The following UNC13C variants were observed in gnomAD, a reference collection of about 807,000 sequenced individuals.
The protein encoded by UNC13C is unc-13 homolog C, also known as protein unc-13 homolog C.
A neutral mutation model predicts 245.4 loss-of-function variants in UNC13C; 174 were observed. That is an observed-to-expected ratio of 0.71 (90% CI 0.63 to 0.80). The LOEUF (loss-of-function observed/expected upper bound fraction) is 0.80. Among genes scored for constraint, UNC13C ranks in the 30% least tolerant of loss-of-function variants. The pLI, the probability that UNC13C is intolerant of heterozygous loss-of-function variation, is 0.00. For synonymous variants in UNC13C, 992 were observed against 895.1 expected (o/e 1.11, Z -1.93); for missense variants, 2,829 against 2,602.9 (o/e 1.09, Z -1.89).
At chr15:54,086,466 C>A (rs1041548302) in intron 2 of UNC13C, among the ~76,000 whole-genome samples, 2 of 152,046 alleles carry the variant, frequency 1.3e-5, no homozygotes, top group African/African-American at 4.8e-5. Context: ...AAAATTGAGG[C>A]TGCTCAGTCT....
rs115788543 is a variant in UNC13C, at chr15:54,374,867, G to A, written c.4714-18181G>A. On this transcript the variant is annotated intron_variant, in intron 17 of 32. Transcript: ENST00000260323. Reference sequence around the variant, plus strand: ...CCACTGCCATCATTAGGGGATTGGCGCTAAGCTCTGGAGAGATTCTGAGCA... The same window carrying A: ...CCACTGCCATCATTAGGGGATTGGCACTAAGCTCTGGAGAGATTCTGAGCA... Among the ~76,000 whole-genome samples, 1,376 of 152,314 alleles carry A rather than the reference G, an allele frequency of 9.0e-3. 20 individuals are homozygous for A. The highest frequency in any genetic ancestry group is 0.032 in the African/African-American group (1,316 of 41,560).
At chr15:53,874,517 A>C in the UNC13C span, among the ~76,000 whole-genome samples, 3,730 of 152,280 alleles carry the variant, frequency 0.024, 151 homozygotes, top group African/African-American at 0.085. Flanking sequence ...ATTGGGCTTT[A>C]GAGATTATCC....
intron 28 of UNC13C, among the ~76,000 whole-genome samples, chr15:54,551,871 G>A (rs1408659911): frequency 5.3e-5 from 8 of 151,780 alleles, no homozygotes; most frequent in Non-Finnish European, 5.9e-5. Flanking sequence ...CTGGCATGAA[G>A]AACTTCAAAT....
At chr15:54,079,300 T>A (rs1898808910) in intron 2 of UNC13C, among the ~76,000 whole-genome samples, 1 of 152,154 alleles carries the variant, frequency 6.6e-6, no homozygotes, top group African/African-American at 2.4e-5. Context: ...TTCTGGCATA[T>A]TTTAGTTCCA....
intron 25 of UNC13C, among the ~76,000 whole-genome samples, chr15:54,525,847 G>A (rs893663297): frequency 6.6e-5 from 10 of 152,014 alleles, no homozygotes; most frequent in African/African-American, 1.7e-4. Context: ...TGCATCCTTC[G>A]GTCGGATAAC....
intron 7 of UNC13C, 68 bp downstream of exon 7, chr15:54,237,758 C>A: frequency 1.6e-6 from 2 of 1,253,984 alleles, no homozygotes; most frequent in Non-Finnish European, 2.3e-6. Flanking sequence ...AGAAACTGTT[C>A]TGCTTGAGCT....
intron 16 of UNC13C, among the ~76,000 whole-genome samples, chr15:54,336,539 A>G (rs1381699605): frequency 6.6e-6 from 1 of 151,870 alleles, no homozygotes; most frequent in South Asian, 2.1e-4. Flanking sequence ...CCAACATCAC[A>G]AAGAGGTTTT....
intron 13 of UNC13C, among the ~76,000 whole-genome samples, chr15:54,308,094 G>T (rs1387354541): frequency 6.6e-6 from 1 of 151,790 alleles, no homozygotes; most frequent in Admixed American, 6.6e-5. Context: ...TTGTTCTTCT[G>T]TTCATTGATT....
intron 4 of UNC13C, among the ~76,000 whole-genome samples, chr15:54,230,681 T>C (rs1366002483): frequency 6.6e-6 from 1 of 152,008 alleles, no homozygotes; most frequent in Non-Finnish European, 1.5e-5. Context: ...AATATCATTA[T>C]GGAAAGAACT....
At chr15:54,452,828 C>T (rs142492526) in intron 19 of UNC13C, among the ~76,000 whole-genome samples, 1,934 of 152,252 alleles carry the variant, frequency 0.013, 15 homozygotes, top group Non-Finnish European at 0.019. Context: ...AATGGAGCAG[C>T]CACTTTTCTA....
At chr15:53,973,659 T>G (rs1282367053), upstream of UNC13C, among the ~76,000 whole-genome samples, 1 of 152,024 alleles carries the variant, frequency 6.6e-6, no homozygotes, top group Non-Finnish European at 1.5e-5. Flanking sequence ...TTTAAAAAAT[T>G]TAGAACCTCT....
chr15:53,979,793 G>A (rs1254674484), intron 1 of UNC13C, among the ~76,000 whole-genome samples: 1 of 152,094 alleles, frequency 6.6e-6, no homozygotes, highest in Non-Finnish European at 1.5e-5. Context: ...TCTTTAAGAA[G>A]CTAAAATTGT....
intron 17 of UNC13C, among the ~76,000 whole-genome samples, chr15:54,388,156 T>G (rs2039876980): frequency 6.6e-6 from 1 of 152,200 alleles, no homozygotes; most frequent in Non-Finnish European, 1.5e-5. Context: ...TTTCACTCCT[T>G]GTTTCCTCTA....
intron 4 of UNC13C, among the ~76,000 whole-genome samples, chr15:54,176,550 T>G (rs1158776512): frequency 6.6e-6 from 1 of 152,094 alleles, no homozygotes; most frequent in Non-Finnish European, 1.5e-5. Context: ...GAAACAATGT[T>G]GAATGACTGA....
intron 10 of UNC13C, among the ~76,000 whole-genome samples, chr15:54,270,521 G>A (rs1176843638): frequency 3.3e-5 from 5 of 152,044 alleles, no homozygotes; most frequent in African/African-American, 1.2e-4. Context: ...AATGATAGCT[G>A]TATTATTATT....
intron 1 of UNC13C, among the ~76,000 whole-genome samples, chr15:53,980,605 A>C (rs1893887884): frequency 6.6e-6 from 1 of 152,200 alleles, no homozygotes; most frequent in African/African-American, 2.4e-5. Context: ...ATTTCAGTAG[A>C]ATTGCCAATG....
chr15:53,925,456 A>T, the UNC13C span, among the ~76,000 whole-genome samples: 1 of 152,126 alleles, frequency 6.6e-6, no homozygotes, highest in Non-Finnish European at 1.5e-5. Context: ...AGCATTGGCC[A>T]CACACCTGGA....
intron 19 of UNC13C, among the ~76,000 whole-genome samples, chr15:54,474,380 G>C (rs1892615407): frequency 6.6e-6 from 1 of 151,890 alleles, no homozygotes; most frequent in Non-Finnish European, 1.5e-5. Flanking sequence ...ACTGAAGTGA[G>C]ATAATTTCTC....
At chr15:54,553,550 T>C (rs991740768) in intron 28 of UNC13C, among the ~76,000 whole-genome samples, 3 of 144,364 alleles carry the variant, frequency 2.1e-5, no homozygotes, top group African/African-American at 7.6e-5. Context: ...AAATATTTCA[T>C]ATAATCAGAT....
Sources: allele counts gnomAD v4.1 joint callset (sites outside exome capture counted in the v4.1 genomes callset), GRCh38; gene constraint gnomAD v4.1.1; transcripts MANE v1.5; gene names NCBI Gene and HGNC (gene_info 2026-07-23, HGNC 2026-07-21).